The following HDC variants were observed in gnomAD, a reference collection of about 807,000 sequenced individuals.
HDC encodes histidine decarboxylase.
A neutral mutation model predicts 64.4 loss-of-function variants in HDC; 27 were observed. The ratio of observed to expected loss-of-function variants is 0.42; its 90% confidence interval spans 0.31 to 0.58. The LOEUF (loss-of-function observed/expected upper bound fraction) is 0.58, where lower values mean the gene tolerates loss of function less well. HDC is among the 20% of genes least tolerant of loss of function. The pLI is 0.16. For missense variants in HDC, 711 were observed against 833.9 expected, an observed-to-expected ratio of 0.85 and a Z score of 1.81; for synonymous variants, 305 against 314.2, an observed-to-expected ratio of 0.97 and a Z score of 0.31.
chr15:50,243,010 T>C lies in HDC; in HGVS notation c.1243-4A>G. Reference sequence around the variant, plus strand: ...TTTCTGTGAGACAATTAGGACCCTGTTTGAAAAATAAAGGAAGTGAAGTCT... The same window carrying C: ...TTTCTGTGAGACAATTAGGACCCTGCTTGAAAAATAAAGGAAGTGAAGTCT... On this transcript the variant is annotated splice_region_variant and splice_polypyrimidine_tract_variant and intron_variant, in intron 11 of 11. Transcript: ENST00000267845. 1 of 1,614,082 alleles carries C rather than the reference T, an allele frequency of 6.2e-7. No homozygotes were observed. The highest frequency in any genetic ancestry group is 8.5e-7 in the Non-Finnish European group (1 of 1,180,016).
chr15:50,253,812 G>T lies in HDC; in HGVS notation c.721-146C>A. 4.1e-6 allele frequency: 3 copies of T among 732,818 alleles called. No homozygotes were observed. In the South Asian group the frequency reaches 4.6e-5, roughly 11 times the overall value. 45.4% of individuals were successfully genotyped at this position (732,818 alleles called of 1,614,324 possible). ...TTCAGACTGTGTTTTACCATGGCTC[G>T]TAAGAAACACATTTTATATAACAAT... On this transcript the variant is annotated intron_variant, in intron 6 of 11. Coordinates refer to ENST00000267845, the MANE Select transcript of HDC (RefSeq NM_002112.4).
At chr15:50,249,962 C>G (rs854150) in intron 9 of HDC, among the ~76,000 whole-genome samples, 48,830 of 152,022 alleles carry the variant, frequency 0.32, 8,221 homozygotes, top group Middle Eastern at 0.41. Context: ...ACGTATAAAG[C>G]CTGACAGGGC....
intron 6 of HDC, 171 bp from the exon 7 acceptor site, chr15:50,253,837 T>C (rs2045590536): frequency 2.9e-6 from 2 of 692,114 alleles, no homozygotes; most frequent in African/African-American, 3.6e-5. Context: ...TATATAACAA[T>C]CTAGTACATG....
chr15:50,253,309 T>G lies in HDC; in HGVS notation c.787+291A>C, dbSNP rs55896708. On this transcript the variant is annotated intron_variant, in intron 7 of 11. Coordinates refer to ENST00000267845, the MANE Select transcript of HDC (RefSeq NM_002112.4). ...TATTTTGGATATAGCCTGCATTAAGTAAAGTTCAACATACAAGTAAGAGGA... is the reference window on the plus strand; with the variant it reads ...TATTTTGGATATAGCCTGCATTAAGGAAAGTTCAACATACAAGTAAGAGGA... The G allele has an allele frequency of 5.6e-3, 2,700 of 485,576 alleles. 67 individuals carry two copies. The highest frequency in any genetic ancestry group is 0.049 in the African/African-American group (2,523 of 51,358). The allele number at this position is 485,576 out of a possible 1,614,324, so 30.1% of individuals were successfully genotyped here. A position where few individuals can be genotyped will look rare whatever the true frequency, so the allele number is the denominator to read the frequency against.
Position 50,254,581 on chromosome 15 carries a change from A to T in HDC, c.525T>A (p.Asp175Glu). 3 of 1,614,246 alleles carry T rather than the reference A, an allele frequency of 1.9e-6. No homozygotes were observed. The highest frequency in any genetic ancestry group is 2.5e-6 in the Non-Finnish European group (3 of 1,180,046). The change falls in exon 5 of 12, where the codon GAT (aspartate) becomes GAA (glutamate). Residue 175 changes from aspartate to glutamate, a missense_variant. Around this residue, in one of 3 missense-constraint regions of HDC, gnomAD observed 225 missense variants for 276.2 expected, o/e 0.81. Transcript: ENST00000267845. ...GGGCATTTAGGCAGGACTCATCAGC[A>T]TCGGGCTCAGACGTTTTCATTTCCA... is the stretch of plus-strand genomic sequence containing the variant. Reference protein sequence around the residue: ...KILEMKTSEPDADESCLNARL... With the variant: ...KILEMKTSEPEADESCLNARL...
intron 2 of HDC, among the ~76,000 whole-genome samples, chr15:50,262,434 C>A (rs2045716047): frequency 6.6e-6 from 1 of 152,156 alleles, no homozygotes; most frequent in South Asian, 2.1e-4. Context: ...TGGCAGGGAG[C>A]CCCGCCACAG....
At chr15:50,252,315 G>A in intron 9 of HDC, 115 bp downstream of exon 9, 1 of 780,546 alleles carries the variant, frequency 1.3e-6, no homozygotes, top group Non-Finnish European at 2.3e-6. Context: ...TATGAGATGA[G>A]CTCATAGTGT....
In HDC at chr15:50,254,746, C is replaced by T. The variant is rs930365868; in HGVS notation, c.442-82G>A. 29 of 569,638 alleles carry T rather than the reference C, an allele frequency of 5.1e-5. No individual in the cohort carries two copies. In the African/African-American group the frequency reaches 8.0e-4, roughly 16 times the overall value. 35.3% of individuals were successfully genotyped at this position (569,638 alleles called of 1,614,324 possible). A position where few individuals can be genotyped will look rare whatever the true frequency, so the allele number is the denominator to read the frequency against. On this transcript the variant is annotated intron_variant, in intron 4 of 11. Coordinates refer to ENST00000267845, the MANE Select transcript of HDC (RefSeq NM_002112.4). ...CCAGGCTTTCTAGTTTTTTCTCTCTCTCTCTCTCTCTCTCTCTCTCTCTCT... is the reference window on the plus strand; with the variant it reads ...CCAGGCTTTCTAGTTTTTTCTCTCTTTCTCTCTCTCTCTCTCTCTCTCTCT...
Position 50,259,781 on chromosome 15 carries a change from T to G in HDC, c.205-1264A>C, listed in dbSNP as rs973442848. ...TGTTTCACTCTACTGAGGACTCATT[T>G]GATAACATCTTAGGGCATCATCCTG... On this transcript the variant is annotated intron_variant, in intron 2 of 11. Transcript: ENST00000267845. 2.6e-4 allele frequency among the ~76,000 whole-genome samples: 40 copies of G among 152,342 alleles called. 1 individual carries two copies. The highest frequency in any genetic ancestry group is 9.6e-4 in the African/African-American group (40 of 41,576).
At position 50,242,181 on chromosome 15, in the gene HDC, C is replaced by T. The variant is rs1423235706; in HGVS notation, c.*79G>A. The T allele has an allele frequency of 1.2e-5, 15 of 1,223,134 alleles. No individual in the cohort carries two copies. Among genetic ancestry groups the T allele is most frequent in the Admixed American group, 6.8e-5 (4 of 59,222 alleles). The allele number at this position is 1,223,134 out of a possible 1,614,324, so 75.8% of individuals were successfully genotyped here. On this transcript the variant is annotated 3_prime_UTR_variant, in exon 12 of 12. Coordinates refer to ENST00000267845, the MANE Select transcript of HDC (RefSeq NM_002112.4). Reference sequence around the variant, plus strand: ...AGAAAAATGCATGTACACATAAGCACACAAAGTTGGCATACAATTGTGAGG... The same window carrying T: ...AGAAAAATGCATGTACACATAAGCATACAAAGTTGGCATACAATTGTGAGG...
At chr15:50,265,455 AT>A in intron 1 of HDC, 137 bp downstream of exon 1, 1 of 768,752 alleles carries the variant, frequency 1.3e-6, no homozygotes, top group Non-Finnish European at 2.3e-6. Context: ...AGAAAAAAAA[AT>A]GTTGCTGGTG....
Position 50,242,733 on chromosome 15 carries a change from G to A in HDC, c.1516C>T (p.Leu506Phe). ...GARAWACGTS[L>F]QSVSGAGDDP... The stretch of plus-strand genomic sequence containing the variant: ...TCTCCTGCCCCACTGACAGACTGAA[G>A]GGACGTTCCACAGGCCCAGGCTCTG... Residue 506 changes from leucine (L) to phenylalanine (F), a missense_variant, in exon 12 of 12, where the codon CTT (leucine) becomes TTT (phenylalanine). Transcript: ENST00000267845. 4.3e-6 allele frequency: 7 copies of A among 1,614,078 alleles called. No homozygotes were observed. Among genetic ancestry groups the A allele is most frequent in the Non-Finnish European group, 5.9e-6 (7 of 1,180,030 alleles).
rs2045416930 is a variant in HDC at position 50,242,754 on chromosome 15, C to T, written c.1495G>A (p.Ala499Thr). 6.2e-7 allele frequency: 1 copy of T among 1,614,036 alleles called. No homozygotes were observed. The highest frequency in any genetic ancestry group is 8.5e-7 in the Non-Finnish European group (1 of 1,180,020). ...TGAAGGGACGTTCCACAGGCCCAGGCTCTGGCACCCCTGATTTGGGAGATG... is the reference window on the plus strand; with the variant it reads ...TGAAGGGACGTTCCACAGGCCCAGGTTCTGGCACCCCTGATTTGGGAGATG... Reference protein sequence around the residue: ...NLISQIRGARAWACGTSLQSV... With the variant: ...NLISQIRGARTWACGTSLQSV... The change falls in exon 12 of 12, where the codon GCC becomes ACC. Residue 499 changes from alanine (A) to threonine (T), a missense_variant. Transcript: ENST00000267845.
chr15:50,253,478 T>C, intron 7 of HDC, 122 bp downstream of exon 7: 2 of 902,812 alleles, frequency 2.2e-6, no homozygotes, highest in South Asian at 1.3e-5. Flanking sequence ...GTTCTTCCCA[T>C]GTCTCTGCAT....
chr15:50,256,000 G>C (rs2045624801), intron 4 of HDC, among the ~76,000 whole-genome samples: 1 of 152,194 alleles, frequency 6.6e-6, no homozygotes, highest in Non-Finnish European at 1.5e-5. Flanking sequence ...ACAGGAGAAA[G>C]CATGGTTTGG....
chr15:50,261,881 G>A (rs1223374557), intron 2 of HDC, among the ~76,000 whole-genome samples: 1 of 151,900 alleles, frequency 6.6e-6, no homozygotes, highest in Admixed American at 6.6e-5. Flanking sequence ...AGCTAATTTT[G>A]TATTTTTAGT....
At chr15:50,255,041 T>C (rs906031698) in intron 4 of HDC, among the ~76,000 whole-genome samples, 3 of 152,174 alleles carry the variant, frequency 2.0e-5, no homozygotes, top group African/African-American at 7.2e-5. Context: ...CAAATGGATA[T>C]GGAGTTTGAG....
At chr15:50,253,811 C>T (rs530597819) in intron 6 of HDC, 145 bp from the exon 7 acceptor site, 5 of 734,548 alleles carry the variant, frequency 6.8e-6, no homozygotes, top group Non-Finnish European at 9.8e-6. Flanking sequence ...TACCATGGCT[C>T]GTAAGAAACA....
In HDC at chr15:50,257,547, C is replaced by A; in HGVS notation, c.319G>T (p.Ala107Ser). Residue 107 changes from alanine to serine, a missense_variant and splice_region_variant, in exon 4 of 12, where the codon GCA becomes TCA. Ala to Ser is a moderately conservative substitution (Grantham distance 99). This residue lies in a region of HDC where 225 missense variants were observed against 276.2 expected (regional missense o/e 0.81). Transcript: ENST00000267845. ...DAINCLGFTW[A>S]SSPACTELEM... The stretch of plus-strand genomic sequence containing the variant: ...AGCTCTGTACACGCAGGGCTGGATG[C>A]CTGAGAAAGGAAAAGGAACTTCAAA... 6.2e-7 allele frequency: 1 copy of A among 1,614,078 alleles called. No individual in the cohort carries two copies. The highest frequency in any genetic ancestry group is 8.5e-7 in the Non-Finnish European group (1 of 1,179,998).
Sources: allele counts gnomAD v4.1 joint callset (sites outside exome capture counted in the v4.1 genomes callset), GRCh38; gene constraint gnomAD v4.1.1; regional missense constraint gnomAD v4.1.1; transcripts MANE v1.5; gene names NCBI Gene and HGNC (gene_info 2026-07-23, HGNC 2026-07-21).